The following SEMA3G variants were observed in gnomAD, a reference collection of about 807,000 sequenced individuals.
SEMA3G encodes semaphorin 3G.
SEMA3G carries 70 observed loss-of-function variants against 86.2 expected under a neutral mutation model. The observed-to-expected ratio is 0.81, with a 90% CI of 0.67 to 0.99. The LOEUF (loss-of-function observed/expected upper bound fraction) is 0.99. SEMA3G is among the 50% of genes least tolerant of loss of function. The probability of loss-of-function intolerance (pLI) is 0.00; values close to 1 mark genes in which losing one functional copy is unlikely to be tolerated. For synonymous variants in SEMA3G, 416 were observed against 441.4 expected, an observed-to-expected ratio of 0.94 and a Z score of 0.72; for missense variants, 1,002 against 1,072.4, an observed-to-expected ratio of 0.93 and a Z score of 0.92.
chr3:52,443,325 C>T (rs542694974), intron 1 of SEMA3G, among the ~76,000 whole-genome samples: 27 of 152,248 alleles, frequency 1.8e-4, no homozygotes, highest in South Asian at 1.2e-3. Flanking sequence ...GGCCAGCAGG[C>T]GAAACTGTTC....
chr3:52,441,869 C>G lies in SEMA3G; in HGVS notation c.500G>C (p.Arg167Pro), dbSNP rs550066410. The G allele has an allele frequency of 2.8e-5, 45 of 1,590,410 alleles. No individual in the cohort carries two copies. Among genetic ancestry groups the G allele is most frequent in the Middle Eastern group, 1.7e-4 (1 of 6,008 alleles). Reference protein sequence around the residue: ...HLEPGSVESGRGRCPHEPSRP... With the variant: ...HLEPGSVESGPGRCPHEPSRP... Reference sequence around the variant, plus strand: ...GCTGGGCTCGTGAGGGCACCGCCCCCGGCCACTTTCCACACTGCCAGGCTC... The same window carrying G: ...GCTGGGCTCGTGAGGGCACCGCCCCGGGCCACTTTCCACACTGCCAGGCTC... The change falls in exon 5 of 16, where the codon CGG becomes CCG. Residue 167 changes from arginine (R) to proline (P), a missense_variant. By Grantham distance (103) the Arg-to-Pro change is moderately radical. Coordinates refer to ENST00000231721, the MANE Select transcript of SEMA3G (RefSeq NM_020163.3).
In SEMA3G at chr3:52,441,180, C is replaced by T. The variant is rs1197544670; in HGVS notation, c.813+84G>A. 3.2e-6 allele frequency: 5 copies of T among 1,544,798 alleles called. No homozygotes were observed. In the East Asian group the frequency reaches 9.0e-5, roughly 28 times the overall value. ...CATCCTTGCCTCAGTTTCCCTACTG[C>T]TGGCCAGGGGTGGGGGGAGAAAGGT... On this transcript the variant is annotated intron_variant, in intron 7 of 15. Transcript: ENST00000231721.
chr3:52,438,765 T>C (rs1706093724), intron 13 of SEMA3G, 155 bp downstream of exon 13: 1 of 985,362 alleles, frequency 1.0e-6, no homozygotes, highest in Non-Finnish European at 1.2e-6. Flanking sequence ...CAGTGCCCAC[T>C]GGCCACTTGT....
chr3:52,437,700 A>G (rs1427144400), intron 14 of SEMA3G, 34 bp from the exon 15 acceptor site: 1 of 1,596,330 alleles, frequency 6.3e-7, no homozygotes, highest in South Asian at 1.1e-5. Context: ...CAGCTTGGGA[A>G]CTATGGGACC....
chr3:52,438,573 G>A, intron 13 of SEMA3G: 1 of 985,488 alleles, frequency 1.0e-6, no homozygotes, highest in Non-Finnish European at 1.2e-6. Context: ...AAGATACACT[G>A]GAGCAGATAA....
rs756827606 is a variant in SEMA3G at position 52,442,254 on chromosome 3, G to A, written c.390C>T (p.His130=). The change falls in exon 4 of 16, where the codon CAC becomes CAT. Residue 130 remains histidine (H), a synonymous_variant. Coordinates refer to ENST00000231721, the MANE Select transcript of SEMA3G (RefSeq NM_020163.3). This position sits in a 1 kb window ranked among gnomAD's most constrained non-coding sequence, Gnocchi z 6.1. ...VRVLQPHNRT[H]LLACGTGAFQ... ...AGGCCCCAGTGCCACAGGCTAGCAG[G>A]TGGGTCCGGTTGTGAGGCTGTAGCA... 3 of 1,614,022 alleles carry A rather than the reference G, an allele frequency of 1.9e-6. No homozygotes were observed. Among genetic ancestry groups the A allele is most frequent in the Non-Finnish European group, 1.7e-6 (2 of 1,179,968 alleles).
In SEMA3G at chr3:52,435,513, A is replaced by T. The variant is rs1019373033; in HGVS notation, c.*90T>A. ...CTCTAAGAGGCAAACAGACATCCTGACCCCTCTGCCCTAGCTGGGTGGGTG... is the reference window on the plus strand; with the variant it reads ...CTCTAAGAGGCAAACAGACATCCTGTCCCCTCTGCCCTAGCTGGGTGGGTG... On this transcript the variant is annotated 3_prime_UTR_variant, in exon 16 of 16. Coordinates refer to ENST00000231721, the MANE Select transcript of SEMA3G (RefSeq NM_020163.3). 118 of 1,256,228 alleles carry T rather than the reference A, an allele frequency of 9.4e-5. No homozygotes were observed. The highest frequency in any genetic ancestry group is 1.2e-4 in the Non-Finnish European group (109 of 899,624). 77.8% of individuals were successfully genotyped at this position (1,256,228 alleles called of 1,614,324 possible).
At chr3:52,440,692 G>T in intron 9 of SEMA3G, 62 bp downstream of exon 9, 1 of 1,528,398 alleles carries the variant, frequency 6.5e-7, no homozygotes, top group African/African-American at 1.4e-5. Flanking sequence ...ACAGTCACAG[G>T]TCACCGAATC....
At position 52,441,128 on chromosome 3, in the gene SEMA3G, C is replaced by T. The variant is rs371636843; in HGVS notation, c.814-80G>A. On this transcript the variant is annotated intron_variant, in intron 7 of 15. Transcript: ENST00000231721. The stretch of plus-strand genomic sequence containing the variant: ...ATCCACTCTTCTACCCTCACCCACT[C>T]GGGGAGAGGTATGCATGTCAGCTTT... 2.3e-4 allele frequency: 339 copies of T among 1,453,568 alleles called. 1 individual carries two copies. Among genetic ancestry groups the T allele is most frequent in the South Asian group, 1.9e-3 (153 of 78,572 alleles). The allele number at this position is 1,453,568 out of a possible 1,614,324, so 90.0% of individuals were successfully genotyped here.
chr3:52,439,565 G>A, intron 12 of SEMA3G, 115 bp downstream of exon 12: 2 of 811,764 alleles, frequency 2.5e-6, no homozygotes, highest in East Asian at 2.6e-5. Flanking sequence ...CCTGCCAGCT[G>A]CAAATTCAGT....
In SEMA3G at chr3:52,440,187, A is replaced by G. The variant is rs1578257262; in HGVS notation, c.1144-89T>C. On this transcript the variant is annotated intron_variant, in intron 10 of 15. Transcript: ENST00000231721. ...GTCTGTTTCCACCCCAACCAGGGGG[A>G]CCTCTCTCACTGCAGGAGGGCTCTC... is the stretch of plus-strand genomic sequence containing the variant. 10 of 1,237,684 alleles carry G rather than the reference A, an allele frequency of 8.1e-6. No homozygotes were observed. The East Asian group carries it at 2.5e-4, about 31-fold the overall frequency. 76.7% of individuals were successfully genotyped at this position (1,237,684 alleles called of 1,614,324 possible).
Position 52,435,657 on chromosome 3 carries a change from C to T in SEMA3G, c.2295G>A (p.Lys765=), listed in dbSNP as rs1706032324. The part of the protein sequence containing the change: ...WAGLELGKKM[K]SRVHAEHNRT... ...GATTGTGCTCGGCATGCACCCGGCT[C>T]TTCATCTTCTTGCCTAGCTCCAGCC... Residue 765 remains lysine (K), a synonymous_variant, in exon 16 of 16, where the codon AAG becomes AAA. Coordinates refer to ENST00000231721, the MANE Select transcript of SEMA3G (RefSeq NM_020163.3). 2 of 1,613,926 alleles carry T rather than the reference C, an allele frequency of 1.2e-6. No homozygotes were observed. Among genetic ancestry groups the T allele is most frequent in the Admixed American group, 1.7e-5 (1 of 60,004 alleles).
chr3:52,442,960 C>A lies in SEMA3G; in HGVS notation c.116-53G>T, dbSNP rs1314207426. 21 of 1,554,300 alleles carry A rather than the reference C, an allele frequency of 1.4e-5. No individual in the cohort carries two copies. Among genetic ancestry groups the A allele is most frequent in the Admixed American group, 1.9e-5 (1 of 51,382 alleles). On this transcript the variant is annotated intron_variant, in intron 1 of 15. Coordinates refer to ENST00000231721, the MANE Select transcript of SEMA3G (RefSeq NM_020163.3). This position sits in a 1 kb window ranked among gnomAD's most constrained non-coding sequence, Gnocchi z 6.1. ...AGGGCCACAGCTCAGCCTAGTTCCC[C>A]AGCCAAGGAGTGGAGGTGGAGGCCC...
At chr3:52,441,431 G>A (rs545569684) in intron 6 of SEMA3G, 22 bp from the exon 7 acceptor site, 4 of 1,611,196 alleles carry the variant, frequency 2.5e-6, no homozygotes, top group African/African-American at 1.3e-5. Flanking sequence ...ACAGGGTCAT[G>A]CTGGGTGGAG....
At chr3:52,443,994 G>T (rs1706210969) in intron 1 of SEMA3G, among the ~76,000 whole-genome samples, 1 of 152,152 alleles carries the variant, frequency 6.6e-6, no homozygotes, top group Non-Finnish European at 1.5e-5. Flanking sequence ...CCCCCAGGCT[G>T]GGATGTGCAA....
In SEMA3G at chr3:52,434,610, C is replaced by G. The variant is rs1228950704; in HGVS notation, c.*993G>C. ...CTCTCAATCTTCTGCATCCCTGGCC[C>G]TGATTCTGAGGGCTGCAGGGCTCAC... On this transcript the variant is annotated 3_prime_UTR_variant, in exon 16 of 16. Coordinates refer to ENST00000231721, the MANE Select transcript of SEMA3G (RefSeq NM_020163.3). The surrounding 1 kb of genome is among the most constrained non-coding windows in gnomAD (Gnocchi z 5.2). The G allele has an allele frequency of 6.6e-6, 1 of 152,250 alleles. No homozygotes were observed. The highest frequency in any genetic ancestry group is 1.5e-5 in the Non-Finnish European group (1 of 68,076). 9.4% of individuals were successfully genotyped at this position (152,250 alleles called of 1,614,324 possible). A position where few individuals can be genotyped will look rare whatever the true frequency, so the allele number is the denominator to read the frequency against.
rs1220711135 is a variant in SEMA3G at position 52,434,433 on chromosome 3, C to T, written c.*1170G>A. 1 of 152,072 alleles carries T rather than the reference C, an allele frequency of 6.6e-6. No individual in the cohort carries two copies. Among genetic ancestry groups the T allele is most frequent in the Non-Finnish European group, 1.5e-5 (1 of 68,024 alleles). 9.4% of individuals were successfully genotyped at this position (152,072 alleles called of 1,614,324 possible). A position where few individuals can be genotyped will look rare whatever the true frequency, so the allele number is the denominator to read the frequency against. On this transcript the variant is annotated 3_prime_UTR_variant, in exon 16 of 16. Transcript: ENST00000231721. This position sits in a 1 kb window ranked among gnomAD's most constrained non-coding sequence, Gnocchi z 5.2. ...AAACAGTCTTCCTAAATCCATTTAG[C>T]ATAAAACAGAGATTCCAGAGATGGA... is the stretch of plus-strand genomic sequence containing the variant.
Position 52,435,106 on chromosome 3 carries a change from C to G in SEMA3G, c.*497G>C, listed in dbSNP as rs115623193. 3,759 of 158,760 alleles carry G rather than the reference C, an allele frequency of 0.024. 78 individuals carry two copies. Among genetic ancestry groups the G allele is most frequent in the Non-Finnish European group, 0.039 (2,824 of 72,014 alleles). 9.8% of individuals were successfully genotyped at this position (158,760 alleles called of 1,614,324 possible). A position where few individuals can be genotyped will look rare whatever the true frequency, so the allele number is the denominator to read the frequency against. ...TCCACCTTCCCAACACCTCTGTGTTCCCTCCCCAAGTCGGTCAGGTAGGCT... is the reference window on the plus strand; with the variant it reads ...TCCACCTTCCCAACACCTCTGTGTTGCCTCCCCAAGTCGGTCAGGTAGGCT... On this transcript the variant is annotated 3_prime_UTR_variant, in exon 16 of 16. Coordinates refer to ENST00000231721, the MANE Select transcript of SEMA3G (RefSeq NM_020163.3).
Position 52,435,564 on chromosome 3 carries a change from C to G in SEMA3G, c.*39G>C, listed in dbSNP as rs373867513. 1.3e-6 allele frequency: 2 copies of G among 1,557,758 alleles called. No homozygotes were observed. The highest frequency in any genetic ancestry group is 4.5e-5 in the East Asian group (2 of 44,352). On this transcript the variant is annotated 3_prime_UTR_variant, in exon 16 of 16. Transcript: ENST00000231721. The stretch of plus-strand genomic sequence containing the variant: ...GGAGATGCTGGGGGCTGCTAGTGGG[C>G]CCCCCAGCCCATCCTGACCACCCCT...
Sources: allele counts gnomAD v4.1 joint callset (sites outside exome capture counted in the v4.1 genomes callset), GRCh38; gene constraint gnomAD v4.1.1; non-coding constraint Gnocchi (gnomAD v3.1); transcripts MANE v1.5; gene names NCBI Gene and HGNC (gene_info 2026-07-23, HGNC 2026-07-21).